SLC25A25: variants seen among roughly 807,000 people sequenced by gnomAD.
The protein encoded by SLC25A25 is solute carrier family 25 member 25.
SLC25A25 carries 32 observed loss-of-function variants against 57.7 expected under a neutral mutation model. The observed-to-expected ratio is 0.55, with a 90% confidence interval of 0.42 to 0.74. The LOEUF (loss-of-function observed/expected upper bound fraction) is 0.74. Ranked by LOEUF, SLC25A25 falls within the 30% of genes least tolerant of loss-of-function variation. The pLI is 0.00. For missense variants in SLC25A25, 556 were observed against 701.3 expected, an observed-to-expected ratio of 0.79 and a Z score of 2.34; for synonymous variants, 306 against 291.2, an observed-to-expected ratio of 1.05 and a Z score of -0.52.
In SLC25A25 at chr9:128,106,150, A is replaced by G; in HGVS notation, c.937A>G (p.Ile313Val). Residue 313 changes from isoleucine (I) to valine (V), a missense_variant and splice_region_variant, in exon 8 of 11, where the codon ATC (isoleucine) becomes GTC (valine). By Grantham distance (29) the Ile-to-Val change is conservative. Around this residue, in one of 3 missense-constraint regions of SLC25A25, gnomAD observed 294 missense variants for 389.6 expected, o/e 0.75. Transcript: ENST00000373069. The stretch of plus-strand genomic sequence containing the variant: ...GTGGTTTGTTTGTTCCTGGTTCTAG[A>G]TCAAGCGCCTTGTTGGTAGTGACCA... The part of the protein sequence containing the change: ...SAIKFMAYEQ[I>V]KRLVGSDQET... The G allele has an allele frequency of 6.2e-7, 1 of 1,614,188 alleles. No homozygotes were observed. Among genetic ancestry groups the G allele is most frequent in the Non-Finnish European group, 8.5e-7 (1 of 1,180,018 alleles).
chr9:128,084,545 C>T (rs1252892895), intron 1 of SLC25A25, among the ~76,000 whole-genome samples: 4 of 152,188 alleles, frequency 2.6e-5, no homozygotes, highest in African/African-American at 9.7e-5. Flanking sequence ...TTTGAACCCA[C>T]CTATGATCTG....
chr9:128,083,594 C>T (rs1308134205), intron 1 of SLC25A25, among the ~76,000 whole-genome samples: 1 of 142,290 alleles, frequency 7.0e-6, no homozygotes, highest in African/African-American at 2.6e-5. Context: ...ACTGCAAGCT[C>T]CGCCTCCCGG....
intron 1 of SLC25A25, among the ~76,000 whole-genome samples, chr9:128,094,618 G>A (rs116133294): frequency 0.01 from 1,572 of 152,248 alleles, 30 homozygotes; most frequent in African/African-American, 0.036. Flanking sequence ...AATATTTCTG[G>A]CTCAGCCTGA....
At chr9:128,106,051 G>A (rs1834018459) in intron 7 of SLC25A25, 99 bp from the exon 8 acceptor site, 1 of 1,555,250 alleles carries the variant, frequency 6.4e-7, no homozygotes, top group Non-Finnish European at 8.8e-7. Flanking sequence ...TACATTTCTG[G>A]GTAGCATAAA....
rs1564194095 is a variant in SLC25A25, at chr9:128,103,698, G to A, written c.642G>A (p.Glu214=). ...CCTCACAGATCTTTGATGTGGGTGA[G>A]AATCTAACGGTCCCGGATGAGTTCA... ...WKHSTIFDVG[E]NLTVPDEFTV... is the part of the protein sequence containing the mutation. The change falls in exon 6 of 11, where the codon GAG becomes GAA. Residue 214 remains glutamate (E), a synonymous_variant. Coordinates refer to ENST00000373069, the MANE Select transcript of SLC25A25 (RefSeq NM_001330988.2). The surrounding 1 kb of genome is among the most constrained non-coding windows in gnomAD (Gnocchi z 6.7). 5.0e-6 allele frequency: 8 copies of A among 1,614,220 alleles called. No individual in the cohort carries two copies. The highest frequency in any genetic ancestry group is 6.8e-6 in the Non-Finnish European group (8 of 1,180,026).
chr9:128,107,763 C>T lies in SLC25A25; in HGVS notation c.*319C>T, dbSNP rs577113755. 2.7e-5 allele frequency: 11 copies of T among 406,556 alleles called. No individual in the cohort carries two copies. The East Asian group carries it at 3.5e-4, about 13-fold the overall frequency. The allele number at this position is 406,556 out of a possible 1,614,324, so 25.2% of individuals were successfully genotyped here. On this transcript the variant is annotated 3_prime_UTR_variant, in exon 11 of 11. Transcript: ENST00000373069. ...CAATAGCGAGCTTGGAGCCTGGAGG[C>T]CGGCTTAGTTCTTCCATTTCACCCT...
chr9:128,068,986 A>G (rs961884118), intron 1 of SLC25A25, among the ~76,000 whole-genome samples: 1 of 152,064 alleles, frequency 6.6e-6, no homozygotes. Flanking sequence ...TTTCCATGCC[A>G]GCCGTGGGCC....
intron 1 of SLC25A25, chr9:128,091,442 G>A (rs1427923727): frequency 1.7e-5 from 17 of 985,692 alleles, no homozygotes; most frequent in Non-Finnish European, 2.0e-5. Flanking sequence ...CTGGATGCTC[G>A]GGTCCTCGGC....
At chr9:128,096,505 G>A (rs1346814675) in intron 1 of SLC25A25, among the ~76,000 whole-genome samples, 4 of 149,856 alleles carry the variant, frequency 2.7e-5, no homozygotes, top group South Asian at 4.4e-4. Context: ...GTGACAGTCT[G>A]TCTCAAAAAT....
At chr9:128,093,677 G>A (rs543294325) in intron 1 of SLC25A25, among the ~76,000 whole-genome samples, 2 of 152,354 alleles carry the variant, frequency 1.3e-5, no homozygotes, top group South Asian at 4.1e-4. Flanking sequence ...AATCTGAGAA[G>A]CATAGACTCT....
chr9:128,092,159 G>A (rs1833428458), intron 1 of SLC25A25: 8 of 1,547,842 alleles, frequency 5.2e-6, no homozygotes, highest in African/African-American at 2.8e-5. Context: ...GGGAAAAAAC[G>A]AGTGTGGGGA....
At chr9:128,078,508 G>T (rs1367109752) in intron 1 of SLC25A25, among the ~76,000 whole-genome samples, 2 of 152,220 alleles carry the variant, frequency 1.3e-5, no homozygotes, top group Admixed American at 1.3e-4. Context: ...AATGAGCAAA[G>T]AAACAATAAA....
rs1299740274 is a variant in SLC25A25, at chr9:128,068,293, G to T, written c.-27G>T. The T allele has an allele frequency of 9.4e-5, 119 of 1,269,060 alleles. No individual in the cohort carries two copies. Among genetic ancestry groups the T allele is most frequent in the Non-Finnish European group, 1.1e-4 (114 of 998,472 alleles). The allele number at this position is 1,269,060 out of a possible 1,614,324, so 78.6% of individuals were successfully genotyped here. The stretch of plus-strand genomic sequence containing the variant: ...CGGCCCGCCGCCCCCGCTCCCGCCC[G>T]CGCCCGGAGCCCCTGCCTCGCGCCC... On this transcript the variant is annotated 5_prime_UTR_variant, in exon 1 of 11. Transcript: ENST00000373069.
chr9:128,101,476 C>T lies in SLC25A25; in HGVS notation c.476+80C>T. The T allele has an allele frequency of 6.7e-7, 1 of 1,490,114 alleles. No individual in the cohort carries two copies. The highest frequency in any genetic ancestry group is 1.9e-5 in the Admixed American group (1 of 53,474). The allele number at this position is 1,490,114 out of a possible 1,614,324, so 92.3% of individuals were successfully genotyped here. ...TGAGACTAACCCTCCGATGCCATTCCCTGGGCTGACCCTGAACTTGGCCTT... is the reference window on the plus strand; with the variant it reads ...TGAGACTAACCCTCCGATGCCATTCTCTGGGCTGACCCTGAACTTGGCCTT... On this transcript the variant is annotated intron_variant, in intron 3 of 10. Coordinates refer to ENST00000373069, the MANE Select transcript of SLC25A25 (RefSeq NM_001330988.2). The surrounding 1 kb of genome is among the most constrained non-coding windows in gnomAD (Gnocchi z 4.9).
rs1421465494 is a variant in SLC25A25, at chr9:128,099,370, G to A, written c.262-1726G>A. ...GCAGAAGCAAGCACTTTGAGAATGCGTTGAAGCCAGCTGCGGTGAGCACAC... is the reference window on the plus strand; with the variant it reads ...GCAGAAGCAAGCACTTTGAGAATGCATTGAAGCCAGCTGCGGTGAGCACAC... On this transcript the variant is annotated intron_variant, in intron 1 of 10. Coordinates refer to ENST00000373069, the MANE Select transcript of SLC25A25 (RefSeq NM_001330988.2). The surrounding 1 kb of genome is among the most constrained non-coding windows in gnomAD (Gnocchi z 6.8). 9.0e-6 allele frequency: 11 copies of A among 1,216,904 alleles called. No individual in the cohort carries two copies. The East Asian group carries it at 2.9e-4, about 32-fold the overall frequency. The allele number at this position is 1,216,904 out of a possible 1,614,324, so 75.4% of individuals were successfully genotyped here. A position where few individuals can be genotyped will look rare whatever the true frequency, so the allele number is the denominator to read the frequency against.
At chr9:128,092,741 T>C (rs1259259196) in intron 1 of SLC25A25, among the ~76,000 whole-genome samples, 1 of 152,184 alleles carries the variant, frequency 6.6e-6, no homozygotes, top group Non-Finnish European at 1.5e-5. Flanking sequence ...AGGTAAGTGG[T>C]AGTATCCCCA....
rs1450320979 is a variant in SLC25A25, at chr9:128,106,376, G to A, written c.1068G>A (p.Leu356=). ...AGGTCCTGAAGACCCGGATGGCGCT[G>A]CGGAAGACAGGCCAGTACTCAGGAA... is the stretch of plus-strand genomic sequence containing the variant. ...PMEVLKTRMA[L]RKTGQYSGML... is the part of the protein sequence containing the mutation. Residue 356 remains leucine, a synonymous_variant, in exon 9 of 11, where the codon CTG becomes CTA. Coordinates refer to ENST00000373069, the MANE Select transcript of SLC25A25 (RefSeq NM_001330988.2). 1 of 1,613,798 alleles carries A rather than the reference G, an allele frequency of 6.2e-7. No homozygotes were observed. The highest frequency in any genetic ancestry group is 1.3e-5 in the African/African-American group (1 of 75,040).
intron 1 of SLC25A25, chr9:128,098,626 CT>C: frequency 6.2e-7 from 1 of 1,614,160 alleles, no homozygotes; most frequent in Non-Finnish European, 8.5e-7. Context: ...AGTTCCAGTA[CT>C]TTGAGTCGAA....
chr9:128,073,123 A>G (rs1362125160), intron 1 of SLC25A25, among the ~76,000 whole-genome samples: 1 of 152,204 alleles, frequency 6.6e-6, no homozygotes, highest in African/African-American at 2.4e-5. Flanking sequence ...CAAAAAGACA[A>G]TGGAACAACC....
Sources: allele counts gnomAD v4.1 joint callset (sites outside exome capture counted in the v4.1 genomes callset), GRCh38; gene constraint gnomAD v4.1.1; regional missense constraint gnomAD v4.1.1; non-coding constraint Gnocchi (gnomAD v3.1); transcripts MANE v1.5; gene names NCBI Gene and HGNC (gene_info 2026-07-23, HGNC 2026-07-21).